Variants in ITPKB observed in about 807,000 individuals in gnomAD.
The protein encoded by ITPKB is inositol-trisphosphate 3-kinase B, also known as IP3 3-kinase B.
Under a neutral mutation model 69.4 loss-of-function variants are expected in ITPKB, and 13 were observed. That is an observed-to-expected ratio of 0.19 (90% CI 0.12 to 0.30). The LOEUF (loss-of-function observed/expected upper bound fraction) is 0.30. Ranked by LOEUF, ITPKB falls within the 10% of genes least tolerant of loss-of-function variation. The pLI is 1.00. For missense variants in ITPKB, 1,240 were observed against 1,250.5 expected (o/e 0.99, Z 0.13); for synonymous variants, 584 against 513.7 (o/e 1.14, Z -1.85).
rs915602723 is a variant in ITPKB, at chr1:226,735,833, G to A, written c.1626C>T (p.Leu542=). The change falls in exon 2 of 8, where the codon CTC becomes CTT. Residue 542 remains leucine (L), a synonymous_variant. Coordinates refer to ENST00000429204, the MANE Select transcript of ITPKB (RefSeq NM_002221.4). Reference sequence around the variant, plus strand: ...CTTGGGGTAGCAGCTCCGGACTTGGGAGGGCATCACTGTCCTGCCGCTGGC... The same window carrying A: ...CTTGGGGTAGCAGCTCCGGACTTGGAAGGGCATCACTGTCCTGCCGCTGGC... ...WESQRQDSDA[L]PSPELLPQDP... 2.5e-6 allele frequency: 4 copies of A among 1,608,796 alleles called. No homozygotes were observed. Among genetic ancestry groups the A allele is most frequent in the Non-Finnish European group, 3.4e-6 (4 of 1,175,930 alleles).
intron 2 of ITPKB, among the ~76,000 whole-genome samples, chr1:226,721,883 G>A (rs1326133031): frequency 1.4e-5 from 2 of 146,148 alleles, no homozygotes; most frequent in Non-Finnish European, 3.0e-5. Flanking sequence ...GCACAATCTG[G>A]GCTCATTGCA....
chr1:226,666,413 G>A (rs1221268200), intron 2 of ITPKB, among the ~76,000 whole-genome samples: 3 of 152,292 alleles, frequency 2.0e-5, no homozygotes, highest in Middle Eastern at 3.4e-3. Flanking sequence ...CATATGTGAC[G>A]GACATGGCTC....
intron 2 of ITPKB, among the ~76,000 whole-genome samples, chr1:226,732,400 G>C (rs903396253): frequency 2.0e-5 from 3 of 152,022 alleles, no homozygotes. Flanking sequence ...GACCACGCCA[G>C]CTAATTTTTG....
intron 2 of ITPKB, among the ~76,000 whole-genome samples, chr1:226,691,845 A>G (rs1656360293): frequency 6.6e-6 from 1 of 152,178 alleles, no homozygotes; most frequent in South Asian, 2.1e-4. Context: ...CTAATAGCAA[A>G]TCCCCCAGAG....
intron 2 of ITPKB, among the ~76,000 whole-genome samples, chr1:226,713,129 C>T (rs1657013256): frequency 6.6e-6 from 1 of 152,202 alleles, no homozygotes; most frequent in African/African-American, 2.4e-5. Flanking sequence ...CATACATACA[C>T]ACTCATGCTC....
intron 4 of ITPKB, among the ~76,000 whole-genome samples, chr1:226,646,888 G>T (rs1344012279): frequency 6.6e-6 from 1 of 152,176 alleles, no homozygotes; most frequent in Non-Finnish European, 1.5e-5. Flanking sequence ...TCTCTAGGGG[G>T]CCTCAGAACC....
chr1:226,652,250 AT>A (rs1669209396), intron 2 of ITPKB, among the ~76,000 whole-genome samples: 1 of 152,168 alleles, frequency 6.6e-6, no homozygotes, highest in South Asian at 2.1e-4. Flanking sequence ...ATGGGAGGAG[AT>A]TCCAGAGAAT....
chr1:226,680,261 G>T (rs1029469554), intron 2 of ITPKB, among the ~76,000 whole-genome samples: 2 of 152,180 alleles, frequency 1.3e-5, no homozygotes, highest in African/African-American at 2.4e-5. Context: ...GGATGGGGCG[G>T]GGCACACCCA....
At chr1:226,685,340 C>T (rs79562790) in intron 2 of ITPKB, among the ~76,000 whole-genome samples, 1 of 152,220 alleles carries the variant, frequency 6.6e-6, no homozygotes, top group Non-Finnish European at 1.5e-5. Context: ...ACCCCTGCCC[C>T]TAAGTCCTGG....
intron 2 of ITPKB, among the ~76,000 whole-genome samples, chr1:226,696,525 T>C (rs1225713044): frequency 1.3e-5 from 2 of 152,168 alleles, no homozygotes; most frequent in African/African-American, 4.8e-5. Flanking sequence ...GCCCCTGTAT[T>C]TTCTACTGTT....
chr1:226,675,307 C>T (rs1669709916), intron 2 of ITPKB, among the ~76,000 whole-genome samples: 1 of 152,188 alleles, frequency 6.6e-6, no homozygotes, highest in Non-Finnish European at 1.5e-5. Flanking sequence ...CCATTAGCAG[C>T]GTTCAAGAAG....
chr1:226,659,829 C>G (rs1420128235), intron 2 of ITPKB, among the ~76,000 whole-genome samples: 1 of 152,122 alleles, frequency 6.6e-6, no homozygotes, highest in Non-Finnish European at 1.5e-5. Context: ...AACTGGGGAT[C>G]TGTCCTAACC....
chr1:226,677,267 C>G (rs1655907981), intron 2 of ITPKB, among the ~76,000 whole-genome samples: 1 of 152,234 alleles, frequency 6.6e-6, no homozygotes. Flanking sequence ...GCTGGGACAG[C>G]CTTCTGATTC....
At chr1:226,671,502 G>A (rs995037407) in intron 2 of ITPKB, among the ~76,000 whole-genome samples, 4 of 152,214 alleles carry the variant, frequency 2.6e-5, no homozygotes, top group African/African-American at 9.7e-5. Context: ...TCTAGCCGCA[G>A]GTGATTTAGC....
At chr1:226,694,582 GTATTAT>G (rs1656433448) in intron 2 of ITPKB, among the ~76,000 whole-genome samples, 1 of 152,162 alleles carries the variant, frequency 6.6e-6, no homozygotes, top group African/African-American at 2.4e-5. Flanking sequence ...AAGGAGCTAG[GTATTAT>G]TATATTCATT....
chr1:226,730,496 A>G (rs1024792787), intron 2 of ITPKB, among the ~76,000 whole-genome samples: 10 of 152,156 alleles, frequency 6.6e-5, no homozygotes, highest in African/African-American at 2.2e-4. Context: ...AGGCCTTGTC[A>G]TGGAGTTGAG....
At chr1:226,724,093 T>C (rs925229467) in intron 2 of ITPKB, among the ~76,000 whole-genome samples, 1 of 152,116 alleles carries the variant, frequency 6.6e-6, no homozygotes, top group Non-Finnish European at 1.5e-5. Context: ...CATTATCTCC[T>C]TTCATCTTCA....
At chr1:226,643,435 T>C (rs1393137335) in intron 4 of ITPKB, among the ~76,000 whole-genome samples, 1 of 152,126 alleles carries the variant, frequency 6.6e-6, no homozygotes, top group Non-Finnish European at 1.5e-5. Context: ...GGGGAAGTTT[T>C]CTCCCCTTTG....
chr1:226,673,271 G>A (rs1488753202), intron 2 of ITPKB, among the ~76,000 whole-genome samples: 1 of 152,238 alleles, frequency 6.6e-6, no homozygotes, highest in African/African-American at 2.4e-5. Context: ...CTACTCGGGA[G>A]GCTGAGGCAG....
Sources: gnomAD v4.1 joint callset for allele counts (sites outside exome capture counted in the v4.1 genomes callset) on GRCh38, gnomAD v4.1.1 for gene constraint, MANE v1.5 for transcripts, NCBI Gene and HGNC (gene_info 2026-07-23, HGNC 2026-07-21) for gene names.